ATL2: variants seen among roughly 807,000 people sequenced by gnomAD.
ATL2 encodes the protein atlastin-2.
ATL2 carries 31 observed loss-of-function variants against 73.9 expected under a neutral mutation model. The ratio of observed to expected loss-of-function variants is 0.42; its 90% CI spans 0.32 to 0.57. ATL2 has a LOEUF of 0.57. ATL2 is among the 20% of genes least tolerant of loss of function. ATL2 has a pLI of 0.14. For synonymous variants in ATL2, 291 were observed against 237.5 expected, an observed-to-expected ratio of 1.23 and a Z score of -2.07; for missense variants, 738 against 702.6, an observed-to-expected ratio of 1.05 and a Z score of -0.57.
chr2:38,353,123 A>G (rs1260948859), intron 1 of ATL2, among the ~76,000 whole-genome samples: 1 of 152,236 alleles, frequency 6.6e-6, no homozygotes, highest in Admixed American at 6.5e-5. Context: ...AACAGTACCA[A>G]TTCTGCCATG....
At chr2:38,298,652 T>C in intron 11 of ATL2, 77 bp from the exon 12 acceptor site, 2 of 1,462,316 alleles carry the variant, frequency 1.4e-6, no homozygotes, top group Non-Finnish European at 1.8e-6. Flanking sequence ...TAGTTTTTAG[T>C]CTCAGAAAGT....
In ATL2 at chr2:38,299,345, C is replaced by A. The variant is rs779905447; in HGVS notation, c.1129-18G>T. The A allele has an allele frequency of 6.6e-7, 1 of 1,516,676 alleles. No homozygotes were observed. The highest frequency in any genetic ancestry group is 8.7e-7 in the Non-Finnish European group (1 of 1,145,258). The allele number at this position is 1,516,676 out of a possible 1,614,324, so 94.0% of individuals were successfully genotyped here. A position where few individuals can be genotyped will look rare whatever the true frequency, so the allele number is the denominator to read the frequency against. The stretch of plus-strand genomic sequence containing the variant: ...GCTGTTGCCTAAAAAATAAAATATG[C>A]CATTATTATGCAAAAAATACTCTAT... On this transcript the variant is annotated intron_variant, in intron 10 of 12. Transcript: ENST00000378954.
Position 38,313,361 on chromosome 2 carries a change from A to T in ATL2, c.712-118T>A, listed in dbSNP as rs1020455318. On this transcript the variant is annotated intron_variant, in intron 6 of 12. Transcript: ENST00000378954. ...TCCTAAACAATCCTTATCAAAAGTT[A>T]TAGTAACTAAATGGTCAGTACTGGT... is the stretch of plus-strand genomic sequence containing the variant. 2.9e-5 allele frequency: 21 copies of T among 715,192 alleles called. No homozygotes were observed. In the East Asian group the frequency reaches 4.7e-4, roughly 16 times the overall value. The allele number at this position is 715,192 out of a possible 1,614,324, so 44.3% of individuals were successfully genotyped here. A position where few individuals can be genotyped will look rare whatever the true frequency, so the allele number is the denominator to read the frequency against.
At chr2:38,319,604 C>CA (rs56693226) in intron 2 of ATL2, among the ~76,000 whole-genome samples, 46,376 of 126,630 alleles carry the variant, frequency 0.37, 7,396 homozygotes, top group South Asian at 0.5. Context: ...GCCTCAAAAA[C>CA]AAAAAAAAAA....
chr2:38,298,280 G>C lies in ATL2; in HGVS notation c.1496C>G (p.Ser499Cys), dbSNP rs1667002936. The C allele has an allele frequency of 7.4e-6, 12 of 1,614,032 alleles. No individual in the cohort carries two copies. The highest frequency in any genetic ancestry group is 1.3e-5 in the African/African-American group (1 of 74,918). ...GACAAGGTTACACAAGACAGCTATA[G>C]AGTTTAGGCCAATGAAGCCAGTCAG... ...SGLTGFIGLN[S>C]IAVLCNLVMG... The change falls in exon 12 of 13, where the codon TCT becomes TGT. Residue 499 changes from serine to cysteine, a missense_variant. By Grantham distance (112) the Ser-to-Cys change is moderately radical. Transcript: ENST00000378954.
chr2:38,368,411 C>G (rs1017731939), intron 1 of ATL2, among the ~76,000 whole-genome samples: 1 of 152,128 alleles, frequency 6.6e-6, no homozygotes, highest in African/African-American at 2.4e-5. Context: ...TGCCACCACG[C>G]CCGGCTAATT....
chr2:38,368,726 C>T (rs1671494671), intron 1 of ATL2, among the ~76,000 whole-genome samples: 1 of 152,056 alleles, frequency 6.6e-6, no homozygotes, highest in Non-Finnish European at 1.5e-5. Context: ...TTCCTGCATG[C>T]AAACAGGCTT....
chr2:38,293,982 T>C lies in ATL2; in HGVS notation c.*2012A>G, dbSNP rs1323183617. 6.6e-6 allele frequency among the ~76,000 whole-genome samples: 1 copy of C among 152,238 alleles called. No individual in the cohort carries two copies. Among genetic ancestry groups the C allele is most frequent in the Non-Finnish European group, 1.5e-5 (1 of 68,042 alleles). On this transcript the variant is annotated 3_prime_UTR_variant, in exon 13 of 13. Transcript: ENST00000378954. ...CTTTTTAAAAGTAAGCTGTCTTTAA[T>C]TTCAGAAAATCTGCTATTATACAAC...
chr2:38,306,680 G>C (rs1667465715), intron 9 of ATL2, among the ~76,000 whole-genome samples: 1 of 152,148 alleles, frequency 6.6e-6, no homozygotes, highest in South Asian at 2.1e-4. Flanking sequence ...TGCTGAAAAA[G>C]CACTGGATAA....
chr2:38,303,380 A>C (rs1489011249), intron 9 of ATL2, among the ~76,000 whole-genome samples: 1 of 151,774 alleles, frequency 6.6e-6, no homozygotes, highest in African/African-American at 2.4e-5. Context: ...TAATTTTTGT[A>C]TTTTTTGTAG....
intron 12 of ATL2, chr2:38,296,357 C>T: frequency 6.8e-7 from 1 of 1,480,678 alleles, no homozygotes; most frequent in Non-Finnish European, 8.9e-7. Context: ...AATTCCATAC[C>T]CTATATGCAG....
intron 1 of ATL2, chr2:38,358,485 G>A (rs888009503): frequency 6.0e-5 from 12 of 200,622 alleles, no homozygotes; most frequent in African/African-American, 9.5e-5. Context: ...GGCGGATCAC[G>A]AGGTCAGGAG....
At chr2:38,356,858 T>A (rs895154936) in intron 1 of ATL2, among the ~76,000 whole-genome samples, 2 of 152,178 alleles carry the variant, frequency 1.3e-5, no homozygotes, top group Non-Finnish European at 1.5e-5. Context: ...CTATTCACAA[T>A]CTAGATAGTT....
chr2:38,368,883 G>C (rs190000512), intron 1 of ATL2, among the ~76,000 whole-genome samples: 1 of 152,108 alleles, frequency 6.6e-6, no homozygotes, highest in Non-Finnish European at 1.5e-5. Context: ...AACCCCAGGA[G>C]TTCGAGACTA....
At chr2:38,352,473 G>C (rs1165839143) in intron 1 of ATL2, among the ~76,000 whole-genome samples, 1 of 152,132 alleles carries the variant, frequency 6.6e-6, no homozygotes, top group Non-Finnish European at 1.5e-5. Context: ...AGAGCACAAA[G>C]ATCTGAATTC....
chr2:38,298,052 T>C, intron 12 of ATL2, 92 bp downstream of exon 12: 3 of 1,232,720 alleles, frequency 2.4e-6, no homozygotes, highest in Non-Finnish European at 3.4e-6. Context: ...ATTCCTCACA[T>C]GAAGGCAAAG....
At chr2:38,346,109 T>C (rs1162120617) in intron 1 of ATL2, among the ~76,000 whole-genome samples, 1 of 152,242 alleles carries the variant, frequency 6.6e-6, no homozygotes, top group Non-Finnish European at 1.5e-5. Flanking sequence ...ACAGACTTGC[T>C]GGCTGTCCTT....
rs553172109 is a variant in ATL2 at position 38,343,633 on chromosome 2, T to C, written c.119-121A>G. ...TGCCCCCTCCCCCCATTATAGATCA[T>C]TATAATGTTCCTTTGGATTTCTCAC... On this transcript the variant is annotated intron_variant, in intron 1 of 12. Coordinates refer to ENST00000378954, the MANE Select transcript of ATL2 (RefSeq NM_001135673.4). 1.2e-5 allele frequency: 10 copies of C among 848,958 alleles called. No homozygotes were observed. In the South Asian group the frequency reaches 1.6e-4, roughly 13 times the overall value. 52.6% of individuals were successfully genotyped at this position (848,958 alleles called of 1,614,324 possible).
intron 1 of ATL2, among the ~76,000 whole-genome samples, chr2:38,356,377 T>C (rs1013977284): frequency 2.0e-5 from 3 of 151,562 alleles, no homozygotes; most frequent in South Asian, 2.1e-4. Flanking sequence ...TTTGTAGAGA[T>C]AGGGTTTCAC....
Sources: allele counts gnomAD v4.1 joint callset (sites outside exome capture counted in the v4.1 genomes callset), GRCh38; gene constraint gnomAD v4.1.1; transcripts MANE v1.5; gene names NCBI Gene and HGNC (gene_info 2026-07-23, HGNC 2026-07-21).